Variants in PMM2 observed in about 807,000 individuals in gnomAD.
The protein encoded by PMM2 is phosphomannomutase 2.
A neutral mutation model predicts 33.2 loss-of-function variants in PMM2; 35 were observed. The observed-to-expected ratio is 1.06, with a 90% CI of 0.81 to 1.40. The LOEUF (loss-of-function observed/expected upper bound fraction) is 1.40, where lower values mean the gene tolerates loss of function less well. PMM2 is among the 40% of genes most tolerant of loss of function. The probability of loss-of-function intolerance (pLI) is 0.00; values close to 1 mark genes in which losing one functional copy is unlikely to be tolerated. For missense variants in PMM2, 386 were observed against 306.0 expected (o/e 1.26, Z -1.95); for synonymous variants, 153 against 114.7 (o/e 1.33, Z -2.13).
intron 4 of PMM2, chr16:8,806,809 CAGT>C: frequency 4.3e-6 from 1 of 234,634 alleles, no homozygotes; most frequent in Non-Finnish European, 8.5e-6. Flanking sequence ...CAAAGGCTGT[CAGT>C]GAGAGGAAAC....
At chr16:8,804,898 G>A in intron 3 of PMM2, 55 bp downstream of exon 3, 1 of 1,134,690 alleles carries the variant, frequency 8.8e-7, no homozygotes, top group South Asian at 1.2e-5. Context: ...TTTCTAAAAG[G>A]GCATTTCACA....
chr16:8,834,739 T>G (rs2060832543), intron 7 of PMM2, among the ~76,000 whole-genome samples: 1 of 152,064 alleles, frequency 6.6e-6, no homozygotes, highest in Non-Finnish European at 1.5e-5. Context: ...ATAGCCTGCC[T>G]TTGCTGCTAT....
At chr16:8,815,570 A>ACT (rs965239886) in intron 7 of PMM2, among the ~76,000 whole-genome samples, 1 of 124,752 alleles carries the variant, frequency 8.0e-6, no homozygotes, top group African/African-American at 2.7e-5. Context: ...TTCTGTCAGT[A>ACT]GACACATGAG....
At chr16:8,837,747 C>CT (rs1555452235) in intron 7 of PMM2, among the ~76,000 whole-genome samples, 1 of 151,998 alleles carries the variant, frequency 6.6e-6, no homozygotes, top group Non-Finnish European at 1.5e-5. Flanking sequence ...AAAAGTGGGA[C>CT]TTGCCGCTAA....
chr16:8,846,021 T>G (rs1359459394), intron 7 of PMM2, among the ~76,000 whole-genome samples: 2 of 152,194 alleles, frequency 1.3e-5, no homozygotes. Flanking sequence ...AATTCAGGTC[T>G]GTCTGAAGGC....
At position 8,813,111 on chromosome 16, in the gene PMM2, G is replaced by T; in HGVS notation, c.639+5G>T. On this transcript the variant is annotated splice_donor_5th_base_variant and intron_variant, in intron 7 of 7. Transcript: ENST00000268261. The stretch of plus-strand genomic sequence containing the variant: ...TTTGGAGACAAAACTATGCCAGTAA[G>T]TAGAGAAGTGTTTGTGCACCTTCAT... The T allele has an allele frequency of 6.6e-7, 1 of 1,517,958 alleles. No individual in the cohort carries two copies. The highest frequency in any genetic ancestry group is 9.2e-7 in the Non-Finnish European group (1 of 1,092,154). The allele number at this position is 1,517,958 out of a possible 1,614,324, so 94.0% of individuals were successfully genotyped here. A position where few individuals can be genotyped will look rare whatever the true frequency, so the allele number is the denominator to read the frequency against.
rs940482581 is a variant in PMM2, at chr16:8,811,799, A to G, written c.523+86A>G. On this transcript the variant is annotated intron_variant, in intron 6 of 7. Transcript: ENST00000268261. ...GCCAGTGAGCTATTGATAATGAAGT[A>G]TGTGCAGTTTTAGGTGGGCAGGAAG... is the stretch of plus-strand genomic sequence containing the variant. The G allele has an allele frequency of 1.5e-5, 14 of 928,636 alleles. No homozygotes were observed. In the African/African-American group the frequency reaches 2.1e-4, roughly 14 times the overall value. The allele number at this position is 928,636 out of a possible 1,614,324, so 57.5% of individuals were successfully genotyped here.
chr16:8,847,664 A>G, intron 7 of PMM2, 60 bp from the exon 8 acceptor site: 3 of 1,293,474 alleles, frequency 2.3e-6, no homozygotes, highest in Non-Finnish European at 3.4e-6. Flanking sequence ...CCAGGGTCAC[A>G]TCAGCAATGG....
intron 7 of PMM2, among the ~76,000 whole-genome samples, chr16:8,823,995 T>G (rs2060752148): frequency 6.6e-6 from 1 of 152,232 alleles, no homozygotes; most frequent in Non-Finnish European, 1.5e-5. Context: ...GAAAACAGAT[T>G]GTTACTGCCC....
At chr16:8,842,134 AG>A (rs977717497) in intron 7 of PMM2, 2 of 151,062 alleles carry the variant, frequency 1.3e-5, no homozygotes, top group African/African-American at 4.9e-5. Flanking sequence ...CTAGGAAGGA[AG>A]GGAGTTGTTG....
In PMM2 at chr16:8,847,909, G is replaced by A; in HGVS notation, c.*84G>A. ...CAGAGCCGAGGGTCCTCCCACACGT[G>A]CTCACCCACCCGCAGCCTAGGCAGG... is the stretch of plus-strand genomic sequence containing the variant. On this transcript the variant is annotated 3_prime_UTR_variant, in exon 8 of 8. Coordinates refer to ENST00000268261, the MANE Select transcript of PMM2 (RefSeq NM_000303.3). The A allele has an allele frequency of 1.9e-6, 2 of 1,025,664 alleles. No homozygotes were observed. The highest frequency in any genetic ancestry group is 1.8e-5 in the Admixed American group (1 of 54,972). 63.5% of individuals were successfully genotyped at this position (1,025,664 alleles called of 1,614,324 possible).
intron 6 of PMM2, among the ~76,000 whole-genome samples, chr16:8,812,704 C>T (rs1036640359): frequency 2.6e-5 from 4 of 152,216 alleles, no homozygotes; most frequent in African/African-American, 9.6e-5. Context: ...AGCATGCTTC[C>T]TTTAAACCAC....
intron 7 of PMM2, chr16:8,832,842 G>A: frequency 3.0e-6 from 3 of 985,380 alleles, no homozygotes; most frequent in Non-Finnish European, 3.6e-6. Flanking sequence ...CTTCTCTGAT[G>A]GCCACATGGC....
Position 8,847,771 on chromosome 16 carries a change from C to G in PMM2, c.687C>G (p.Tyr229Ter), listed in dbSNP as rs148759949. The change falls in exon 8 of 8, where the codon TAC becomes TAG. Residue 229 changes from tyrosine (Y) to a stop codon, truncating the protein, a stop_gained. Transcript: ENST00000268261. LOFTEE classifies it high-confidence loss of function. ...EIFTDPRTMG[Y>*]SVTAPEDTRR... ...TCACAGACCCCAGAACCATGGGCTA[C>G]TCCGTGACAGCGCCTGAGGACACGC... 7.4e-6 allele frequency: 12 copies of G among 1,614,108 alleles called. No homozygotes were observed. The highest frequency in any genetic ancestry group is 1.0e-5 in the Non-Finnish European group (12 of 1,179,990).
Position 8,847,743 on chromosome 16 carries a change from T to C in PMM2, c.659T>C (p.Ile220Thr). The C allele has an allele frequency of 6.2e-7, 1 of 1,613,846 alleles. No individual in the cohort carries two copies. Among genetic ancestry groups the C allele is most frequent in the Non-Finnish European group, 8.5e-7 (1 of 1,179,762 alleles). Reference protein sequence around the residue: ...KTMPGGNDHEIFTDPRTMGYS... With the variant: ...KTMPGGNDHETFTDPRTMGYS... ...TTCCAGGGTGGCAATGACCATGAGA[T>C]CTTCACAGACCCCAGAACCATGGGC... Residue 220 changes from isoleucine to threonine, a missense_variant, in exon 8 of 8, where the codon ATC becomes ACC. Coordinates refer to ENST00000268261, the MANE Select transcript of PMM2 (RefSeq NM_000303.3).
At position 8,815,127 on chromosome 16, in the gene PMM2, C is replaced by G. The variant is rs550061741; in HGVS notation, c.639+2021C>G. Among the ~76,000 whole-genome samples the G allele has an allele frequency of 2.5e-4, 38 of 152,152 alleles. 1 individual carries two copies. The highest frequency in any genetic ancestry group is 5.1e-4 in the Non-Finnish European group (35 of 68,004). ...GGGGCTTATTCACTCAGTATGTCTTCTCAGTTTACTCATGCTGGCACAAAT... is the reference window on the plus strand; with the variant it reads ...GGGGCTTATTCACTCAGTATGTCTTGTCAGTTTACTCATGCTGGCACAAAT... On this transcript the variant is annotated intron_variant, in intron 7 of 7. Transcript: ENST00000268261.
intron 7 of PMM2, among the ~76,000 whole-genome samples, chr16:8,837,426 TAAG>T (rs940102190): frequency 6.6e-5 from 10 of 151,832 alleles, no homozygotes; most frequent in African/African-American, 2.2e-4. Flanking sequence ...TTTAAGTTCT[TAAG>T]AACACAGGCT....
At position 8,811,627 on chromosome 16, in the gene PMM2, G is replaced by A. The variant is rs1214968995; in HGVS notation, c.448-11G>A. 3 of 1,586,612 alleles carry A rather than the reference G, an allele frequency of 1.9e-6. No homozygotes were observed. Among genetic ancestry groups the A allele is most frequent in the Admixed American group, 3.3e-5 (2 of 59,942 alleles). Reference sequence around the variant, plus strand: ...TACAAGAAACAATTGGTATCTTTTTGTTTTTCTCAGAAAGAAAATATAAGA... The same window carrying A: ...TACAAGAAACAATTGGTATCTTTTTATTTTTCTCAGAAAGAAAATATAAGA... On this transcript the variant is annotated splice_polypyrimidine_tract_variant and intron_variant, in intron 5 of 7. Coordinates refer to ENST00000268261, the MANE Select transcript of PMM2 (RefSeq NM_000303.3).
chr16:8,847,568 C>T (rs1330066772), intron 7 of PMM2, 156 bp from the exon 8 acceptor site: 8 of 669,424 alleles, frequency 1.2e-5, no homozygotes, highest in Middle Eastern at 2.8e-4. Context: ...ATTGTACTCA[C>T]GTTCCTCTCC....
Sources: allele counts gnomAD v4.1 joint callset (sites outside exome capture counted in the v4.1 genomes callset), GRCh38; gene constraint gnomAD v4.1.1; transcripts MANE v1.5; gene names NCBI Gene and HGNC (gene_info 2026-07-23, HGNC 2026-07-21).